Variants in SPAG16 observed in about 807,000 individuals in gnomAD.
SPAG16 encodes the protein sperm-associated antigen 16 protein.
In SPAG16, 86 loss-of-function variants were observed where a neutral mutation model predicts 80.4. That is an observed-to-expected ratio of 1.07 (90% CI 0.90 to 1.28). The LOEUF is 1.28. Ranked by LOEUF, SPAG16 falls within the 50% of genes most tolerant of loss-of-function variation. The pLI, the probability that SPAG16 is intolerant of heterozygous loss-of-function variation, is 0.00. For synonymous variants in SPAG16, 294 were observed against 265.9 expected, an observed-to-expected ratio of 1.11 and a Z score of -1.03; for missense variants, 870 against 765.3, an observed-to-expected ratio of 1.14 and a Z score of -1.61.
chr2:213,320,192 C>T (rs999944804), intron 5 of SPAG16, among the ~76,000 whole-genome samples: 2 of 151,780 alleles, frequency 1.3e-5, no homozygotes, highest in African/African-American at 2.4e-5. Context: ...AGTTTTGTTT[C>T]GTTTTGTCAG....
intron 10 of SPAG16, among the ~76,000 whole-genome samples, chr2:213,652,225 T>C (rs1442017779): frequency 1.3e-5 from 2 of 152,200 alleles, no homozygotes; most frequent in Non-Finnish European, 2.9e-5. Flanking sequence ...ATTTATAAAG[T>C]GTTCAGAATA....
intron 10 of SPAG16, among the ~76,000 whole-genome samples, chr2:213,779,944 G>A (rs2069840092): frequency 6.6e-6 from 1 of 152,194 alleles, no homozygotes; most frequent in Non-Finnish European, 1.5e-5. Context: ...TGACTTCTCA[G>A]AAAAGTACAG....
At chr2:214,350,925 CA>C (rs1698360151) in intron 15 of SPAG16, among the ~76,000 whole-genome samples, 1 of 151,972 alleles carries the variant, frequency 6.6e-6, no homozygotes, top group Non-Finnish European at 1.5e-5. Context: ...AAAGTTGCCC[CA>C]AAACATCAGC....
intron 13 of SPAG16, among the ~76,000 whole-genome samples, chr2:214,081,837 A>ATT (rs35141566): frequency 0.014 from 2,061 of 148,996 alleles, 22 homozygotes; most frequent in Middle Eastern, 0.027. Flanking sequence ...TACTCATTGT[A>ATT]TTTTTTTTTT....
intron 10 of SPAG16, among the ~76,000 whole-genome samples, chr2:213,731,584 G>T (rs890618037): frequency 6.6e-6 from 1 of 151,916 alleles, no homozygotes; most frequent in Admixed American, 6.6e-5. Flanking sequence ...CCATCACCCA[G>T]GTATTAAGCC....
intron 1 of SPAG16, among the ~76,000 whole-genome samples, chr2:213,292,813 A>G (rs1452529728): frequency 6.6e-6 from 1 of 151,832 alleles, no homozygotes; most frequent in Admixed American, 6.5e-5. Context: ...TTTTTTTTCC[A>G]TAGATACTCA....
At chr2:213,718,582 G>C (rs1423285009) in intron 10 of SPAG16, among the ~76,000 whole-genome samples, 2 of 152,202 alleles carry the variant, frequency 1.3e-5, no homozygotes, top group Non-Finnish European at 2.9e-5. Context: ...CCCCGCACTG[G>C]AAGCAGCCAG....
At chr2:213,286,698 G>C (rs552156589) in intron 1 of SPAG16, among the ~76,000 whole-genome samples, 1 of 152,190 alleles carries the variant, frequency 6.6e-6, no homozygotes, top group Non-Finnish European at 1.5e-5. Flanking sequence ...ATTTGGCCTG[G>C]ATTTCCCTTA....
intron 14 of SPAG16, among the ~76,000 whole-genome samples, chr2:214,130,762 C>A (rs558410487): frequency 2.0e-5 from 3 of 152,118 alleles, no homozygotes; most frequent in Non-Finnish European, 4.4e-5. Flanking sequence ...AATAATGACA[C>A]TGAAAATGAA....
intron 15 of SPAG16, among the ~76,000 whole-genome samples, chr2:214,329,304 CTTA>C (rs1696721684): frequency 6.6e-6 from 1 of 150,834 alleles, no homozygotes; most frequent in East Asian, 1.9e-4. Flanking sequence ...AGAAAGAATT[CTTA>C]TTATGTTTTA....
chr2:213,831,478 A>G (rs971871080), intron 10 of SPAG16, among the ~76,000 whole-genome samples: 2 of 151,906 alleles, frequency 1.3e-5, no homozygotes, highest in African/African-American at 4.8e-5. Context: ...AAATTAGATG[A>G]AGTCCTGTTA....
chr2:213,802,075 T>C (rs779178065), intron 10 of SPAG16, among the ~76,000 whole-genome samples: 3 of 152,188 alleles, frequency 2.0e-5, no homozygotes, highest in Non-Finnish European at 2.9e-5. Context: ...AGCCCACTTT[T>C]TTGTTTGAAT....
chr2:214,194,798 C>T (rs980897166), intron 15 of SPAG16, among the ~76,000 whole-genome samples: 3 of 151,954 alleles, frequency 2.0e-5, no homozygotes, highest in Admixed American at 6.6e-5. Flanking sequence ...ACTCAGAAAG[C>T]CCTGTTTCTG....
intron 10 of SPAG16, among the ~76,000 whole-genome samples, chr2:213,718,466 C>G (rs1033725232): frequency 2.0e-5 from 3 of 152,186 alleles, no homozygotes; most frequent in Admixed American, 2.0e-4. Context: ...GAGCCCACTC[C>G]CTCAGCTTTC....
chr2:213,895,478 A>G (rs920806892), intron 11 of SPAG16, among the ~76,000 whole-genome samples: 8 of 152,214 alleles, frequency 5.3e-5, no homozygotes, highest in African/African-American at 1.9e-4. Context: ...CTGAGCAAAA[A>G]GAACAGAGCT....
At chr2:213,889,732 T>C (rs1033088072) in intron 11 of SPAG16, among the ~76,000 whole-genome samples, 22 of 149,208 alleles carry the variant, frequency 1.5e-4, no homozygotes, top group African/African-American at 5.1e-4. Context: ...TATATATACA[T>C]ATATATATAC....
chr2:213,671,320 A>G (rs887546249), intron 10 of SPAG16, among the ~76,000 whole-genome samples: 9 of 152,264 alleles, frequency 5.9e-5, no homozygotes, highest in African/African-American at 2.2e-4. Context: ...CATGTGATTG[A>G]GGTTCAGTAA....
At chr2:213,905,690 A>G (rs373585726) in intron 11 of SPAG16, among the ~76,000 whole-genome samples, 1 of 152,210 alleles carries the variant, frequency 6.6e-6, no homozygotes, top group African/African-American at 2.4e-5. Context: ...AATAAGTGCT[A>G]TATAATTCCT....
chr2:213,595,010 A>C (rs1387432872), intron 10 of SPAG16, among the ~76,000 whole-genome samples: 1 of 151,958 alleles, frequency 6.6e-6, no homozygotes, highest in Non-Finnish European at 1.5e-5. Flanking sequence ...TATTTATTTT[A>C]GAGGGCTTCC....
Sources: allele counts gnomAD v4.1 joint callset (sites outside exome capture counted in the v4.1 genomes callset), GRCh38; gene constraint gnomAD v4.1.1; transcripts MANE v1.5; gene names NCBI Gene and HGNC (gene_info 2026-07-23, HGNC 2026-07-21).